EPHA4: variants seen among roughly 807,000 people sequenced by gnomAD.
EPHA4 encodes the protein EPH receptor A4.
A neutral mutation model predicts 108.3 loss-of-function variants in EPHA4; 19 were observed. The ratio of observed to expected loss-of-function variants is 0.18; its 90% CI spans 0.12 to 0.26. EPHA4 has a LOEUF of 0.26. Ranked by LOEUF, EPHA4 falls within the 10% of genes least tolerant of loss-of-function variation. The probability of loss-of-function intolerance (pLI) is 1.00; values close to 1 mark genes in which losing one functional copy is unlikely to be tolerated. For missense variants in EPHA4, 917 were observed against 1,254.0 expected, an observed-to-expected ratio of 0.73 and a Z score of 4.06; for synonymous variants, 449 against 455.5, an observed-to-expected ratio of 0.99 and a Z score of 0.18.
At chr2:221,477,908 G>C (rs1691705089) in intron 5 of EPHA4, among the ~76,000 whole-genome samples, 1 of 152,122 alleles carries the variant, frequency 6.6e-6, no homozygotes. Flanking sequence ...AACTAAGCAT[G>C]CTACAGATGT....
At chr2:221,466,776 AAT>A (rs1466456197) in intron 5 of EPHA4, among the ~76,000 whole-genome samples, 1 of 152,156 alleles carries the variant, frequency 6.6e-6, no homozygotes, top group Non-Finnish European at 1.5e-5. Flanking sequence ...AGAGAGTTTG[AAT>A]AACTTGCTCC....
At chr2:221,453,499 T>A (rs1267349017) in intron 8 of EPHA4, among the ~76,000 whole-genome samples, 1 of 152,156 alleles carries the variant, frequency 6.6e-6, no homozygotes, top group East Asian at 1.9e-4. Flanking sequence ...AAGAGGGCCA[T>A]CTTGATTGGC....
At chr2:221,451,785 T>G (rs1328698688) in intron 8 of EPHA4, among the ~76,000 whole-genome samples, 3 of 152,208 alleles carry the variant, frequency 2.0e-5, no homozygotes, top group Non-Finnish European at 4.4e-5. Context: ...GCTAAATCAA[T>G]GTGCCTAGTA....
At chr2:221,511,395 ACTG>A (rs2106165607) in intron 3 of EPHA4, among the ~76,000 whole-genome samples, 1 of 139,214 alleles carries the variant, frequency 7.2e-6, no homozygotes, top group Non-Finnish European at 1.6e-5. Flanking sequence ...CCTCTCATAC[ACTG>A]CTAACTGTTC....
At chr2:221,472,720 C>G (rs573903784) in intron 5 of EPHA4, among the ~76,000 whole-genome samples, 153 of 152,178 alleles carry the variant, frequency 1.0e-3, no homozygotes, top group African/African-American at 3.6e-3. Context: ...CTTGCCCCTC[C>G]CAAGAGTAAC....
chr2:221,520,734 A>G (rs76599508), intron 3 of EPHA4, among the ~76,000 whole-genome samples: 2,483 of 152,252 alleles, frequency 0.016, 80 homozygotes, highest in East Asian at 0.07. Context: ...AATTCATGTA[A>G]TCTCTGATTT....
intron 5 of EPHA4, 80 bp downstream of exon 5, chr2:221,482,272 G>T: frequency 7.9e-7 from 1 of 1,272,548 alleles, no homozygotes; most frequent in Non-Finnish European, 1.1e-6. Context: ...TTCAATTATA[G>T]CAATTTATTA....
At chr2:221,499,745 T>TATAC (rs1692425046) in intron 4 of EPHA4, among the ~76,000 whole-genome samples, 1 of 60,586 alleles carries the variant, frequency 1.7e-5, no homozygotes, top group African/African-American at 8.9e-5. Context: ...TATATATATA[T>TATAC]ATATATATAT....
intron 3 of EPHA4, among the ~76,000 whole-genome samples, chr2:221,506,715 G>T (rs1256879554): frequency 2.0e-5 from 3 of 152,176 alleles, no homozygotes; most frequent in African/African-American, 7.2e-5. Flanking sequence ...TTAAAAATTA[G>T]ATTGTTGAAG....
intron 3 of EPHA4, among the ~76,000 whole-genome samples, chr2:221,523,987 C>G (rs1303562881): frequency 6.6e-6 from 1 of 152,000 alleles, no homozygotes; most frequent in Non-Finnish European, 1.5e-5. Flanking sequence ...TGGAAAGAAA[C>G]AAACAAAGCA....
intron 17 of EPHA4, among the ~76,000 whole-genome samples, chr2:221,422,420 A>G (rs1689785620): frequency 6.6e-6 from 1 of 152,236 alleles, no homozygotes; most frequent in Non-Finnish European, 1.5e-5. Context: ...GAATGGTCTC[A>G]TAAACACGTG....
intron 3 of EPHA4, among the ~76,000 whole-genome samples, chr2:221,535,412 A>T (rs1693639518): frequency 6.6e-6 from 1 of 152,216 alleles, no homozygotes; most frequent in Admixed American, 6.5e-5. Flanking sequence ...CCACTAAGTT[A>T]TCTTATGCCA....
intron 2 of EPHA4, 57 bp from the exon 3 acceptor site, chr2:221,564,451 T>C: frequency 2.0e-6 from 3 of 1,529,154 alleles, no homozygotes; most frequent in Non-Finnish European, 2.7e-6. Flanking sequence ...CAGTGATTTG[T>C]CAATCCCATT....
intron 3 of EPHA4, among the ~76,000 whole-genome samples, chr2:221,530,182 TA>T (rs931397405): frequency 1.8e-4 from 27 of 148,734 alleles, no homozygotes; most frequent in African/African-American, 7.4e-5. Context: ...TTTTTTCTCT[TA>T]AAAAAAAAAT....
intron 5 of EPHA4, among the ~76,000 whole-genome samples, chr2:221,471,684 G>T (rs914669651): frequency 6.6e-6 from 1 of 152,036 alleles, no homozygotes; most frequent in South Asian, 2.1e-4. Flanking sequence ...TAATATAAGG[G>T]TTTCTTAAAT....
At chr2:221,443,977 T>C (rs1181756252) in intron 9 of EPHA4, among the ~76,000 whole-genome samples, 1 of 152,208 alleles carries the variant, frequency 6.6e-6, no homozygotes, top group African/African-American at 2.4e-5. Context: ...TATCCTCCCT[T>C]AGGGAAGGAA....
At chr2:221,449,805 T>C (rs955952500) in intron 8 of EPHA4, among the ~76,000 whole-genome samples, 6 of 152,256 alleles carry the variant, frequency 3.9e-5, no homozygotes, top group African/African-American at 1.4e-4. Flanking sequence ...TGTGGTTCAC[T>C]GTTCCAAAAC....
chr2:221,554,748 C>T (rs991647512), intron 3 of EPHA4, among the ~76,000 whole-genome samples: 6 of 151,980 alleles, frequency 3.9e-5, no homozygotes, highest in Admixed American at 1.3e-4. Flanking sequence ...TTGATGTATT[C>T]GTTCATAGAT....
chr2:221,555,290 C>T (rs1694273442), intron 3 of EPHA4, among the ~76,000 whole-genome samples: 1 of 152,170 alleles, frequency 6.6e-6, no homozygotes, highest in Non-Finnish European at 1.5e-5. Flanking sequence ...TCATTGGGCT[C>T]TGCATAAACA....
Sources: gnomAD v4.1 joint callset for allele counts (sites outside exome capture counted in the v4.1 genomes callset) on GRCh38, gnomAD v4.1.1 for gene constraint, MANE v1.5 for transcripts, NCBI Gene and HGNC (gene_info 2026-07-23, HGNC 2026-07-21) for gene names.